The following AGMO variants were observed in gnomAD, a reference collection of about 807,000 sequenced individuals.
AGMO encodes the protein alkylglycerol monooxygenase, also known as glyceryl-ether monooxygenase.
Under a neutral mutation model 60.2 loss-of-function variants are expected in AGMO, and 75 were observed. That is an observed-to-expected ratio of 1.25 (90% CI 1.03 to 1.51). The LOEUF is 1.51. Ranked by LOEUF, AGMO falls within the 40% of genes most tolerant of loss-of-function variation. The pLI is 0.00. For synonymous variants in AGMO, 261 were observed against 177.1 expected, an observed-to-expected ratio of 1.47 and a Z score of -3.76; for missense variants, 763 against 525.5, an observed-to-expected ratio of 1.45 and a Z score of -4.42.
chr7:15,457,621 A>G (rs1782032021), intron 3 of AGMO, among the ~76,000 whole-genome samples: 1 of 152,194 alleles, frequency 6.6e-6, no homozygotes, highest in Non-Finnish European at 1.5e-5. Flanking sequence ...CTTGCCTCCA[A>G]TTTGATTAAT....
intron 12 of AGMO, among the ~76,000 whole-genome samples, chr7:15,235,512 T>A (rs970293633): frequency 6.6e-6 from 1 of 152,116 alleles, no homozygotes; most frequent in Non-Finnish European, 1.5e-5. Context: ...TCTCTTCAAA[T>A]TGGATGCTGT....
At chr7:15,516,759 C>CTT (rs538054072) in intron 3 of AGMO, among the ~76,000 whole-genome samples, 2 of 146,290 alleles carry the variant, frequency 1.4e-5, no homozygotes, top group African/African-American at 5.0e-5. Context: ...AAGTTACATC[C>CTT]TTTTTTTTTT....
At chr7:15,507,745 GATCA>G (rs1783557000) in intron 3 of AGMO, among the ~76,000 whole-genome samples, 1 of 152,004 alleles carries the variant, frequency 6.6e-6, no homozygotes, top group Non-Finnish European at 1.5e-5. Flanking sequence ...CATTTTTACA[GATCA>G]GTCAAGTGGA....
In AGMO at chr7:15,326,608, G is replaced by T. The variant is rs927272496; in HGVS notation, c.1263+38906C>A. On this transcript the variant is annotated intron_variant, in intron 12 of 12. Coordinates refer to ENST00000342526, the MANE Select transcript of AGMO (RefSeq NM_001004320.2). ...GATTAATGAAATATTCATTCTTGGT[G>T]TTGACCATATATTTCTCTTACGTGT... Among the ~76,000 whole-genome samples the T allele has an allele frequency of 3.9e-5, 6 of 152,264 alleles. No individual in the cohort carries two copies. The South Asian group carries it at 1.0e-3, about 26-fold the overall frequency.
chr7:15,539,506 GTA>G (rs1784566810), intron 3 of AGMO, among the ~76,000 whole-genome samples: 1 of 152,058 alleles, frequency 6.6e-6, no homozygotes, highest in African/African-American at 2.4e-5. Context: ...ATTCCATAGT[GTA>G]TATATACCAC....
At position 15,391,040 on chromosome 7, in the gene AGMO, CATTT is replaced by C. The variant is rs1172864592; in HGVS notation, c.677-139_677-136del. ...TACAATTTCCCTGGGAATGTCTTCT[CATTT>C]ATAACATCAGATTTTATTGTCTAAT... On this transcript the variant is annotated intron_variant, in intron 6 of 12. Transcript: ENST00000342526. 3 of 564,852 alleles carry C rather than the reference CATTT, an allele frequency of 5.3e-6. No individual in the cohort carries two copies. In the African/African-American group the frequency reaches 5.7e-5, roughly 11 times the overall value. The allele number at this position is 564,852 out of a possible 1,614,324, so 35.0% of individuals were successfully genotyped here.
chr7:15,469,509 T>A (rs191525244), intron 3 of AGMO, among the ~76,000 whole-genome samples: 5 of 152,066 alleles, frequency 3.3e-5, no homozygotes, highest in African/African-American at 1.2e-4. Context: ...GCTGAGACAC[T>A]TACTGGATAA....
intron 5 of AGMO, among the ~76,000 whole-genome samples, chr7:15,413,451 A>G (rs1188998481): frequency 6.6e-6 from 1 of 152,134 alleles, no homozygotes; most frequent in East Asian, 1.9e-4. Flanking sequence ...CTTAACTCCA[A>G]ATTTGATTTT....
intron 3 of AGMO, among the ~76,000 whole-genome samples, chr7:15,531,526 A>C (rs192934300): frequency 8.0e-4 from 51 of 63,932 alleles, no homozygotes; most frequent in African/African-American, 3.1e-3. Context: ...TATATATTCT[A>C]TATATATTCT....
At chr7:15,387,349 T>C (rs992112308) in intron 9 of AGMO, 57 bp downstream of exon 9, 49 of 1,583,382 alleles carry the variant, frequency 3.1e-5, no homozygotes, top group Non-Finnish European at 4.1e-5. Flanking sequence ...AGGCTGGCTG[T>C]AGACCTGACA....
At chr7:15,232,049 G>C (rs190412475) in intron 12 of AGMO, among the ~76,000 whole-genome samples, 4 of 152,092 alleles carry the variant, frequency 2.6e-5, no homozygotes, top group Non-Finnish European at 4.4e-5. Flanking sequence ...AATTGTATCT[G>C]TTTTCAATCT....
At chr7:15,470,941 T>C (rs1196058985) in intron 3 of AGMO, among the ~76,000 whole-genome samples, 1 of 151,964 alleles carries the variant, frequency 6.6e-6, no homozygotes, top group Non-Finnish European at 1.5e-5. Context: ...AGCCCTAAGT[T>C]GTATAGTTTT....
At chr7:15,521,949 C>T (rs1232844457) in intron 3 of AGMO, among the ~76,000 whole-genome samples, 1 of 152,110 alleles carries the variant, frequency 6.6e-6, no homozygotes, top group African/African-American at 2.4e-5. Context: ...TTAGAAAACC[C>T]CATCATCTCA....
At position 15,366,132 on chromosome 7, in the gene AGMO, CT is replaced by C; in HGVS notation, c.1157+7del. 1 of 1,594,596 alleles carries C rather than the reference CT, an allele frequency of 6.3e-7. No individual in the cohort carries two copies. Among genetic ancestry groups the C allele is most frequent in the Non-Finnish European group, 8.6e-7 (1 of 1,167,556 alleles). ...AAGTAAAAACAATGCAAGAATTTCA[CT>C]TCTTGCCTTTGATCCAGAAGAAATC... On this transcript the variant is annotated splice_region_variant and intron_variant, in intron 11 of 12. Transcript: ENST00000342526.
intron 10 of AGMO, among the ~76,000 whole-genome samples, chr7:15,379,212 A>G (rs1783579798): frequency 6.6e-6 from 1 of 152,044 alleles, no homozygotes; most frequent in Non-Finnish European, 1.5e-5. Context: ...CTAAATAACT[A>G]GAGAAATCAA....
the AGMO span, among the ~76,000 whole-genome samples, chr7:15,170,312 T>C: frequency 2.0e-5 from 3 of 152,238 alleles, no homozygotes; most frequent in South Asian, 6.2e-4. Context: ...TTTCTGTAGC[T>C]TGTATTTAAT....
At chr7:15,382,892 C>G (rs572027941) in intron 10 of AGMO, among the ~76,000 whole-genome samples, 2 of 152,084 alleles carry the variant, frequency 1.3e-5, no homozygotes, top group East Asian at 3.9e-4. Context: ...AAAACAAGTT[C>G]AAATCACGTA....
At chr7:15,491,083 G>C (rs1783054363) in intron 3 of AGMO, among the ~76,000 whole-genome samples, 1 of 152,062 alleles carries the variant, frequency 6.6e-6, no homozygotes, top group Non-Finnish European at 1.5e-5. Flanking sequence ...AAATTAAATG[G>C]AATTACATTT....
In AGMO at chr7:15,558,337, G is replaced by A. The variant is rs557436450; in HGVS notation, c.257+1804C>T. On this transcript the variant is annotated intron_variant, in intron 2 of 12. Transcript: ENST00000342526. ...TCAGTAAAATATATGACCCATAATC[G>A]TATATACAGGGCAATTTTCAGTTAT... Among the ~76,000 whole-genome samples the A allele has an allele frequency of 7.2e-5, 11 of 151,852 alleles. No individual in the cohort carries two copies. The South Asian group carries it at 8.3e-4, about 11-fold the overall frequency.
Sources: allele counts gnomAD v4.1 joint callset (sites outside exome capture counted in the v4.1 genomes callset), GRCh38; gene constraint gnomAD v4.1.1; transcripts MANE v1.5; gene names NCBI Gene and HGNC (gene_info 2026-07-23, HGNC 2026-07-21).